PDE8A: variants seen among roughly 807,000 people sequenced by gnomAD.
The protein encoded by PDE8A is high affinity cAMP-specific and IBMX-insensitive 3',5'-cyclic phosphodiesterase 8A.
A neutral mutation model predicts 105.0 loss-of-function variants in PDE8A; 59 were observed. The ratio of observed to expected loss-of-function variants is 0.56; its 90% CI spans 0.46 to 0.70. PDE8A has a LOEUF of 0.70. PDE8A is among the 30% of genes least tolerant of loss of function. The probability of loss-of-function intolerance (pLI) is 0.00; values close to 1 mark genes in which losing one functional copy is unlikely to be tolerated. For synonymous variants in PDE8A, 355 were observed against 371.9 expected (o/e 0.95, Z 0.52); for missense variants, 1,014 against 1,045.9 (o/e 0.97, Z 0.42).
chr15:85,014,141 TTTTTC>T (rs754733079), intron 1 of PDE8A, among the ~76,000 whole-genome samples: 6 of 152,090 alleles, frequency 3.9e-5, no homozygotes, highest in Middle Eastern at 3.4e-3. Flanking sequence ...TTTCTTTTTC[TTTTTC>T]TTTTTTTTTA....
chr15:85,010,303 T>C (rs185116833), intron 1 of PDE8A, among the ~76,000 whole-genome samples: 125 of 152,374 alleles, frequency 8.2e-4, no homozygotes, highest in Admixed American at 1.5e-3. Flanking sequence ...TTTCAGTGTT[T>C]ATTATACTTG....
At chr15:85,078,833 A>G (rs1208554367) in intron 5 of PDE8A, among the ~76,000 whole-genome samples, 2 of 152,180 alleles carry the variant, frequency 1.3e-5, no homozygotes, top group African/African-American at 4.8e-5. Context: ...AACAATAATA[A>G]TGTCTAGTTT....
chr15:85,091,172 G>A lies in PDE8A; in HGVS notation c.843G>A (p.Arg281=), dbSNP rs764175939. 6.2e-7 allele frequency: 1 copy of A among 1,605,142 alleles called. No homozygotes were observed. The highest frequency in any genetic ancestry group is 1.1e-5 in the South Asian group (1 of 89,978). ...DLLDTINSCI[R]IGKEWQGIYY... is the part of the protein sequence containing the mutation. ...TCGATACTATAAATTCATGCATCAGGATAGGCAAGGTAAGTAAGAGGTCAG... is the reference window on the plus strand; with the variant it reads ...TCGATACTATAAATTCATGCATCAGAATAGGCAAGGTAAGTAAGAGGTCAG... Residue 281 remains arginine (R), a synonymous_variant, in exon 8 of 22, where the codon AGG becomes AGA. Coordinates refer to ENST00000394553, the MANE Select transcript of PDE8A (RefSeq NM_002605.3).
At chr15:85,076,658 A>G in intron 4 of PDE8A, 75 bp from the exon 5 acceptor site, 1 of 869,944 alleles carries the variant, frequency 1.1e-6, no homozygotes, top group Non-Finnish European at 2.0e-6. Context: ...AGTATTATTT[A>G]AATTAGTAGA....
chr15:85,090,831 C>G, intron 7 of PDE8A: 1 of 618,740 alleles, frequency 1.6e-6, no homozygotes, highest in Non-Finnish European at 3.0e-6. Context: ...AGCAGAAAGC[C>G]CAGCCGGGTA....
chr15:85,109,184 G>A, intron 12 of PDE8A, 54 bp downstream of exon 12: 1 of 1,239,044 alleles, frequency 8.1e-7, no homozygotes, highest in Non-Finnish European at 1.2e-6. Context: ...TTGAACACAT[G>A]GAGCCCTGCC....
chr15:85,075,610 A>G (rs2304415), intron 3 of PDE8A, among the ~76,000 whole-genome samples: 36,114 of 152,140 alleles, frequency 0.24, 4,713 homozygotes, highest in African/African-American at 0.34. Context: ...CAAGTAGAAT[A>G]CATGTCATCT....
At chr15:85,126,099 A>T in intron 19 of PDE8A, 108 bp from the exon 20 acceptor site, 1 of 694,352 alleles carries the variant, frequency 1.4e-6, no homozygotes, top group Admixed American at 2.9e-5. Flanking sequence ...AGATCCTTAT[A>T]GATCCTGACT....
chr15:85,127,979 C>G (rs1223008222), intron 20 of PDE8A, among the ~76,000 whole-genome samples: 3 of 139,570 alleles, frequency 2.1e-5, no homozygotes, highest in Admixed American at 7.7e-5. Flanking sequence ...AGAAACAGAT[C>G]ACATTTATAT....
At chr15:85,078,104 G>A (rs113487106) in intron 5 of PDE8A, among the ~76,000 whole-genome samples, 6 of 145,932 alleles carry the variant, frequency 4.1e-5, no homozygotes, top group African/African-American at 1.5e-4. Context: ...CATATCCAAA[G>A]TAGAGTAAAT....
chr15:85,001,798 A>G (rs2080071842), intron 1 of PDE8A, among the ~76,000 whole-genome samples: 1 of 152,194 alleles, frequency 6.6e-6, no homozygotes, highest in Non-Finnish European at 1.5e-5. Flanking sequence ...ACCTTATTAA[A>G]GCGTGGGTCA....
chr15:84,981,369 A>T (rs1055488931), upstream of PDE8A, among the ~76,000 whole-genome samples: 2 of 151,846 alleles, frequency 1.3e-5, no homozygotes, highest in Non-Finnish European at 2.9e-5. Context: ...TGCCGGCAAA[A>T]CCCGGCCCGG....
At chr15:85,056,123 G>C (rs895639048) in intron 1 of PDE8A, among the ~76,000 whole-genome samples, 14 of 152,196 alleles carry the variant, frequency 9.2e-5, no homozygotes, top group Non-Finnish European at 1.8e-4. Context: ...CTTTAAGAAT[G>C]TTGAATATTG....
intron 6 of PDE8A, among the ~76,000 whole-genome samples, chr15:85,085,042 A>C (rs1429893190): frequency 1.3e-5 from 2 of 152,140 alleles, no homozygotes; most frequent in Non-Finnish European, 2.9e-5. Flanking sequence ...CTCCTTCTTC[A>C]TTCTCCACAC....
chr15:85,123,110 A>C lies in PDE8A; in HGVS notation c.2002A>C (p.Thr668Pro). ...RQGIIDMVLA[T>P]EMTKHFEHVN... ...GGGGATTATCGACATGGTCTTAGCC[A>C]CAGAAATGACAAAGCACTTTGAGCA... Residue 668 changes from threonine to proline, a missense_variant, in exon 19 of 22, where the codon ACA becomes CCA. By Grantham distance (38) the Thr-to-Pro change is conservative. Coordinates refer to ENST00000394553, the MANE Select transcript of PDE8A (RefSeq NM_002605.3). The C allele has an allele frequency of 6.2e-7, 1 of 1,614,096 alleles. No homozygotes were observed. Among genetic ancestry groups the C allele is most frequent in the Middle Eastern group, 1.6e-4 (1 of 6,062 alleles).
At chr15:85,136,471 G>T (rs2082411910) in intron 20 of PDE8A, 63 bp from the exon 21 acceptor site, 28 of 1,543,358 alleles carry the variant, frequency 1.8e-5, no homozygotes, top group Non-Finnish European at 2.4e-5. Context: ...TGGGGGAGGG[G>T]CTGCCCCTAG....
chr15:85,046,403 C>G (rs537301178), intron 1 of PDE8A, among the ~76,000 whole-genome samples: 1 of 152,174 alleles, frequency 6.6e-6, no homozygotes, highest in Non-Finnish European at 1.5e-5. Flanking sequence ...CTGAAAACTA[C>G]AAGTCCTGTA....
chr15:85,066,583 AACACACACAC>A (rs57124766), intron 2 of PDE8A, among the ~76,000 whole-genome samples: 1,995 of 116,968 alleles, frequency 0.017, 47 homozygotes, highest in Middle Eastern at 0.025. Flanking sequence ...ATCCCCCCAA[AACACACACAC>A]ACACACACAC....
intron 1 of PDE8A, among the ~76,000 whole-genome samples, chr15:84,984,851 A>G (rs941988546): frequency 2.0e-5 from 3 of 152,106 alleles, no homozygotes; most frequent in Non-Finnish European, 2.9e-5. Context: ...TGCTCAATGG[A>G]GCATTTCAGA....
Sources: gnomAD v4.1 joint callset for allele counts (sites outside exome capture counted in the v4.1 genomes callset) on GRCh38, gnomAD v4.1.1 for gene constraint, MANE v1.5 for transcripts, NCBI Gene and HGNC (gene_info 2026-07-23, HGNC 2026-07-21) for gene names.